Variants in USP28 observed in about 807,000 individuals in gnomAD.
USP28 encodes the protein ubiquitin carboxyl-terminal hydrolase 28.
Under a neutral mutation model 145.0 loss-of-function variants are expected in USP28, and 113 were observed. The ratio of observed to expected loss-of-function variants is 0.78; its 90% CI spans 0.67 to 0.91. USP28 has a LOEUF of 0.91. USP28 is among the 40% of genes least tolerant of loss of function. USP28 has a pLI of 0.00. For synonymous variants in USP28, 447 were observed against 450.9 expected, an observed-to-expected ratio of 0.99 and a Z score of 0.11; for missense variants, 1,201 against 1,289.6, an observed-to-expected ratio of 0.93 and a Z score of 1.05.
intron 3 of USP28, among the ~76,000 whole-genome samples, chr11:113,851,329 G>C (rs1293024418): frequency 2.0e-5 from 3 of 152,176 alleles, no homozygotes; most frequent in Non-Finnish European, 2.9e-5. Context: ...CTAGTACTTA[G>C]GAAGGTTCTG....
At chr11:113,808,409 A>G in exon 18 of USP28, 1 of 1,614,142 alleles carries the variant, frequency 6.2e-7, no homozygotes, top group Non-Finnish European at 8.5e-7. Flanking sequence ...ACAAGCAGCG[A>G]ACCCCATGAG....
intron 18 of USP28, among the ~76,000 whole-genome samples, 184 bp downstream of exon 19, chr11:113,807,767 A>T (rs928659944): frequency 1.3e-5 from 2 of 152,166 alleles, no homozygotes; most frequent in African/African-American, 4.8e-5. Context: ...TGGGAGCGCT[A>T]TACAATAGAA....
intron 3 of USP28, among the ~76,000 whole-genome samples, chr11:113,845,408 C>A (rs1004310773): frequency 1.3e-5 from 2 of 151,188 alleles, no homozygotes; most frequent in African/African-American, 4.9e-5. Context: ...TGCACTCCAA[C>A]CTGGGCGAAA....
At chr11:113,828,716 C>T (rs1187081945) in intron 10 of USP28, 1 of 311,644 alleles carries the variant, frequency 3.2e-6, no homozygotes, top group Non-Finnish European at 6.3e-6. Flanking sequence ...GTCTTTCCAA[C>T]CCAGAAAAAA....
At chr11:113,803,202 C>G in exon 23 of USP28, 1 of 1,613,690 alleles carries the variant, frequency 6.2e-7, no homozygotes, top group Non-Finnish European at 8.5e-7. Flanking sequence ...GATTCTTTGA[C>G]CCCCCGGCGG....
chr11:113,833,551 T>C, exon 7 of USP28: 1 of 1,613,370 alleles, frequency 6.2e-7, no homozygotes, highest in Non-Finnish European at 8.5e-7. Flanking sequence ...ATGATATTTC[T>C]CTTTTCCTGT....
At chr11:113,838,574 T>C (rs1249764006) in intron 5 of USP28, among the ~76,000 whole-genome samples, 2 of 152,216 alleles carry the variant, frequency 1.3e-5, no homozygotes, top group Non-Finnish European at 2.9e-5. Context: ...CTGTTCCTTG[T>C]CTGAAATGTT....
intron 1 of USP28, among the ~76,000 whole-genome samples, chr11:113,865,467 A>T (rs1362592573): frequency 6.6e-6 from 1 of 152,246 alleles, no homozygotes; most frequent in Non-Finnish European, 1.5e-5. Flanking sequence ...AGCTACGGTT[A>T]TCATAACAGT....
chr11:113,800,529 G>A (rs929008395), intron 24 of USP28, among the ~76,000 whole-genome samples: 3 of 150,452 alleles, frequency 2.0e-5, no homozygotes, highest in Admixed American at 6.6e-5. Context: ...GGGCTCAAGT[G>A]AGCCACCCAC....
chr11:113,828,581 T>G (rs1342815839), intron 10 of USP28, among the ~76,000 whole-genome samples: 2 of 152,202 alleles, frequency 1.3e-5, no homozygotes, highest in East Asian at 3.8e-4. Flanking sequence ...TGTCTCAAAA[T>G]GTATGATCAA....
At chr11:113,810,495 C>CAA (rs1940800989) in intron 16 of USP28, among the ~76,000 whole-genome samples, 1 of 152,176 alleles carries the variant, frequency 6.6e-6, no homozygotes, top group African/African-American at 2.4e-5. Flanking sequence ...ACCATGCATG[C>CAA]AATAACAAGG....
chr11:113,812,214 GTTC>G (rs1565348940), intron 16 of USP28, 59 bp downstream of exon 16: 2 of 1,315,276 alleles, frequency 1.5e-6, no homozygotes, highest in African/African-American at 3.0e-5. Flanking sequence ...GTACAAGACT[GTTC>G]TTCTCCCTGA....
intron 4 of USP28, 67 bp downstream of exon 4, chr11:113,841,596 C>G: frequency 1.0e-6 from 1 of 982,464 alleles, no homozygotes; most frequent in South Asian, 1.7e-5. Flanking sequence ...GAGTGGCATT[C>G]ACAGAGCTGT....
At chr11:113,835,052 T>G (rs11214736) in intron 5 of USP28, among the ~76,000 whole-genome samples, 7,460 of 152,246 alleles carry the variant, frequency 0.049, 528 homozygotes, top group East Asian at 0.3. Context: ...TTTGTAACAT[T>G]AATTTTTTAA....
chr11:113,815,332 G>C (rs759346716), exon 14 of USP28: 2 of 1,614,130 alleles, frequency 1.2e-6, no homozygotes, highest in South Asian at 2.2e-5. Flanking sequence ...AGAATCTTCA[G>C]GAGAAGAAAA....
chr11:113,844,117 A>T (rs1168809813), intron 3 of USP28, among the ~76,000 whole-genome samples: 1 of 152,132 alleles, frequency 6.6e-6, no homozygotes, highest in Non-Finnish European at 1.5e-5. Flanking sequence ...AGATTAAAAA[A>T]TCCTTTGGGC....
At chr11:113,821,108 G>A in intron 12 of USP28, 1 of 242,918 alleles carries the variant, frequency 4.1e-6, no homozygotes, top group Non-Finnish European at 9.0e-6. Flanking sequence ...AAAGTACTGG[G>A]GCTTTGAAGT....
At chr11:113,824,849 T>G (rs1406906543) in intron 11 of USP28, among the ~76,000 whole-genome samples, 1 of 150,968 alleles carries the variant, frequency 6.6e-6, no homozygotes, top group Non-Finnish European at 1.5e-5. Context: ...GAGAATCATT[T>G]GAACCCGGGA....
chr11:113,861,370 C>A (rs1650852820), intron 1 of USP28, among the ~76,000 whole-genome samples: 1 of 152,138 alleles, frequency 6.6e-6, no homozygotes, highest in African/African-American at 2.4e-5. Context: ...AAATAGACTA[C>A]TTGATAATTT....
Sources: gnomAD v4.1 joint callset for allele counts (sites outside exome capture counted in the v4.1 genomes callset) on GRCh38, gnomAD v4.1.1 for gene constraint, MANE v1.5 for transcripts, NCBI Gene and HGNC (gene_info 2026-07-23, HGNC 2026-07-21) for gene names.